Variants in PLEKHA8 observed in about 807,000 individuals in gnomAD.
PLEKHA8 encodes pleckstrin homology domain containing A8.
In PLEKHA8, 36 loss-of-function variants were observed where a neutral mutation model predicts 68.2. The ratio of observed to expected loss-of-function variants is 0.53; its 90% CI spans 0.40 to 0.70. The LOEUF is 0.70. Among genes scored for constraint, PLEKHA8 ranks in the 30% least tolerant of loss-of-function variants. PLEKHA8 has a pLI of 0.00. For missense variants in PLEKHA8, 505 were observed against 615.4 expected, an observed-to-expected ratio of 0.82 and a Z score of 1.90; for synonymous variants, 211 against 216.1, an observed-to-expected ratio of 0.98 and a Z score of 0.20.
At chr7:30,116,238 GCGTATACATGTACA>G (rs149384719) in intron 13 of PLEKHA8, among the ~76,000 whole-genome samples, 4,248 of 148,146 alleles carry the variant, frequency 0.029, 213 homozygotes, top group African/African-American at 0.089. Flanking sequence ...ATACATGTAT[GCGTATACATGTACA>G]CGTATACATG....
intron 3 of PLEKHA8, 111 bp from the exon 4 acceptor site, chr7:30,047,721 T>TC: frequency 8.9e-7 from 1 of 1,125,592 alleles, no homozygotes; most frequent in Non-Finnish European, 1.2e-6. Context: ...ACTTTGGGCA[T>TC]ATGTTCTGTG....
chr7:30,084,620 CGTTA>C lies in PLEKHA8; in HGVS notation c.*5838_*5841del. 1 of 934,340 alleles carries C rather than the reference CGTTA, an allele frequency of 1.1e-6. No homozygotes were observed. Among genetic ancestry groups the C allele is most frequent in the Non-Finnish European group, 1.3e-6 (1 of 783,764 alleles). The allele number at this position is 934,340 out of a possible 1,614,324, so 57.9% of individuals were successfully genotyped here. A position where few individuals can be genotyped will look rare whatever the true frequency, so the allele number is the denominator to read the frequency against. Reference sequence around the variant, plus strand: ...GAAAATATCTGTCAGATTTTATATTCGTTAGTTATAATAAACTTATTTTTAAAGT... The same window carrying C: ...GAAAATATCTGTCAGATTTTATATTCGTTATAATAAACTTATTTTTAAAGT... On this transcript the variant is annotated 3_prime_UTR_variant, in exon 14 of 14. Coordinates refer to ENST00000449726, the MANE Select transcript of PLEKHA8 (RefSeq NM_001197026.2).
intron 13 of PLEKHA8, 114 bp downstream of exon 13, chr7:30,074,246 TTGTGTGTG>T (rs149548208): frequency 3.3e-5 from 16 of 488,432 alleles, no homozygotes; most frequent in East Asian, 2.3e-4. Context: ...AGAAACAAAG[TTGTGTGTG>T]TGTGTGTGTG....
chr7:30,056,742 A>AAGTGTGT (rs749308104), intron 9 of PLEKHA8, among the ~76,000 whole-genome samples: 4 of 74,782 alleles, frequency 5.3e-5, no homozygotes, highest in Non-Finnish European at 7.1e-5. Context: ...AAAAAAAAAA[A>AAGTGTGT]GTGTGTGTGT....
rs1352415879 is a variant in PLEKHA8, at chr7:30,047,836, TGCTGAAAAC to T, written c.319_327del (p.Ala107_Asn109del). 1.2e-6 allele frequency: 2 copies of T among 1,609,330 alleles called. No homozygotes were observed. The highest frequency in any genetic ancestry group is 8.5e-7 in the Non-Finnish European group (1 of 1,177,590). ...TATCATCATTTTGTCATTTAGAGTT[TGCTGAAAAC>T]ACTGAAAACTTGAAAACCAAAATGT... On this transcript the variant is annotated inframe_deletion, in exon 4 of 14. Transcript: ENST00000449726.
chr7:30,037,730 A>G, intron 1 of PLEKHA8, among the ~76,000 whole-genome samples: 1 of 152,094 alleles, frequency 6.6e-6, no homozygotes, highest in East Asian at 1.9e-4. Context: ...GAAAGAGTTT[A>G]AATAGTCCCT....
chr7:30,030,249 C>G (rs1046511836), intron 1 of PLEKHA8, among the ~76,000 whole-genome samples: 4 of 152,168 alleles, frequency 2.6e-5, no homozygotes, highest in Admixed American at 1.3e-4. Context: ...CTTCAACATT[C>G]TTCTTTTTTT....
chr7:30,052,709 G>A lies in PLEKHA8; in HGVS notation c.639G>A (p.Arg213=), dbSNP rs1318378360. Residue 213 remains arginine, a splice_region_variant and synonymous_variant, in exon 7 of 14, where the codon AGG becomes AGA. Transcript: ENST00000449726. The part of the protein sequence containing the change: ...PIIPIHNSLE[R]QMELSTCENG... Reference sequence around the variant, plus strand: ...TTTTTTCCTTTTAAAAAATTTGCAGGCAAATGGAGTTGAGCACTTGTGAAA... The same window carrying A: ...TTTTTTCCTTTTAAAAAATTTGCAGACAAATGGAGTTGAGCACTTGTGAAA... The A allele has an allele frequency of 5.2e-6, 8 of 1,530,500 alleles. No individual in the cohort carries two copies. The highest frequency in any genetic ancestry group is 2.4e-5 in the East Asian group (1 of 41,278). 94.8% of individuals were successfully genotyped at this position (1,530,500 alleles called of 1,614,324 possible).
chr7:30,055,429 T>C (rs900010629), intron 9 of PLEKHA8, 87 bp downstream of exon 9: 1 of 1,141,356 alleles, frequency 8.8e-7, no homozygotes, highest in African/African-American at 1.5e-5. Flanking sequence ...CCCCAAACTA[T>C]GTGTACAGTG....
At chr7:30,041,995 G>A (rs998539053) in intron 1 of PLEKHA8, among the ~76,000 whole-genome samples, 3 of 152,126 alleles carry the variant, frequency 2.0e-5, no homozygotes, top group Non-Finnish European at 4.4e-5. Context: ...TGTTGTGGAG[G>A]CGATTAACAT....
intron 12 of PLEKHA8, among the ~76,000 whole-genome samples, chr7:30,070,471 T>A (rs1794160510): frequency 6.6e-6 from 1 of 152,124 alleles, no homozygotes; most frequent in South Asian, 2.1e-4. Context: ...CTAGGCTTTT[T>A]TGAACGGTTA....
At position 30,084,029 on chromosome 7, in the gene PLEKHA8, A is replaced by G. The variant is rs528233580; in HGVS notation, c.*5242A>G. The stretch of plus-strand genomic sequence containing the variant: ...GTTTAATGTATAATTCCCATGTATC[A>G]TGAGAATTTCACTAGAATGTCATTA... On this transcript the variant is annotated 3_prime_UTR_variant, in exon 14 of 14. Transcript: ENST00000449726. The G allele has an allele frequency of 8.1e-6, 8 of 985,452 alleles. No individual in the cohort carries two copies. In the East Asian group the frequency reaches 5.7e-4, roughly 70 times the overall value. The allele number at this position is 985,452 out of a possible 1,614,324, so 61.0% of individuals were successfully genotyped here.
Position 30,028,607 on chromosome 7 carries a change from T to G in PLEKHA8, c.-156T>G. 8.8e-6 allele frequency: 4 copies of G among 457,066 alleles called. No individual in the cohort carries two copies. Among genetic ancestry groups the G allele is most frequent in the East Asian group, 3.7e-5 (1 of 26,968 alleles). The allele number at this position is 457,066 out of a possible 1,614,324, so 28.3% of individuals were successfully genotyped here. A position where few individuals can be genotyped will look rare whatever the true frequency, so the allele number is the denominator to read the frequency against. On this transcript the variant is annotated 5_prime_UTR_variant, in exon 1 of 14. The change abolishes an upstream ATG in the 5' untranslated region. Transcript: ENST00000449726. Reference sequence around the variant, plus strand: ...AGTGACCCCGCCCCCGGGCCGAGGATGTGAGGCGGGCCGGGCGTCCCCACA... The same window carrying G: ...AGTGACCCCGCCCCCGGGCCGAGGAGGTGAGGCGGGCCGGGCGTCCCCACA...
At chr7:30,051,395 G>GT (rs1792396973) in intron 6 of PLEKHA8, among the ~76,000 whole-genome samples, 19 of 146,394 alleles carry the variant, frequency 1.3e-4, no homozygotes, top group Non-Finnish European at 2.1e-4. Context: ...GTTGAAATAT[G>GT]GTTTTTTTTT....
At chr7:30,098,060 T>C (rs1167017406) in intron 13 of PLEKHA8, among the ~76,000 whole-genome samples, 2 of 152,252 alleles carry the variant, frequency 1.3e-5, no homozygotes, top group Admixed American at 1.3e-4. Flanking sequence ...GACCCTCAGC[T>C]GCAGGTCTGT....
chr7:30,091,200 T>C (rs1025302341), downstream of PLEKHA8, among the ~76,000 whole-genome samples: 1 of 152,136 alleles, frequency 6.6e-6, no homozygotes, highest in Non-Finnish European at 1.5e-5. Flanking sequence ...AAATCAAGAA[T>C]TATATTCACC....
chr7:30,076,068 T>G (rs1794591901), intron 13 of PLEKHA8, among the ~76,000 whole-genome samples: 1 of 151,938 alleles, frequency 6.6e-6, no homozygotes, highest in Non-Finnish European at 1.5e-5. Context: ...AAATATAATA[T>G]AGATGTTTAT....
intron 13 of PLEKHA8, among the ~76,000 whole-genome samples, chr7:30,095,842 T>C (rs886223916): frequency 5.9e-5 from 9 of 152,336 alleles, no homozygotes; most frequent in African/African-American, 1.9e-4. Context: ...TGTAGATATG[T>C]GGCATTATTT....
chr7:30,078,278 A>G (rs1794735810), intron 13 of PLEKHA8, among the ~76,000 whole-genome samples: 1 of 152,202 alleles, frequency 6.6e-6, no homozygotes, highest in Non-Finnish European at 1.5e-5. Context: ...AATAGTCTGG[A>G]TCACACTGTG....
Sources: allele counts gnomAD v4.1 joint callset (sites outside exome capture counted in the v4.1 genomes callset), GRCh38; gene constraint gnomAD v4.1.1; transcripts MANE v1.5; gene names NCBI Gene and HGNC (gene_info 2026-07-23, HGNC 2026-07-21).